Variants in SLC1A1 observed in about 807,000 individuals in gnomAD.
SLC1A1 encodes the protein solute carrier family 1 member 1.
A neutral mutation model predicts 53.3 loss-of-function variants in SLC1A1; 43 were observed. The ratio of observed to expected loss-of-function variants is 0.81; its 90% confidence interval spans 0.63 to 1.04. The LOEUF (loss-of-function observed/expected upper bound fraction) is 1.04, where lower values mean the gene tolerates loss of function less well. SLC1A1 is among the 50% of genes least tolerant of loss of function. The pLI is 0.00. For synonymous variants in SLC1A1, 307 were observed against 243.2 expected (o/e 1.26, Z -2.44); for missense variants, 748 against 664.9 (o/e 1.12, Z -1.37).
At chr9:4,503,287 A>G (rs2130802854) in intron 1 of SLC1A1, among the ~76,000 whole-genome samples, 1 of 152,004 alleles carries the variant, frequency 6.6e-6, no homozygotes, top group East Asian at 1.9e-4. Flanking sequence ...TTGGTGCCTA[A>G]GATGAAAAGT....
At chr9:4,527,820 T>C (rs946636825) in intron 1 of SLC1A1, among the ~76,000 whole-genome samples, 1 of 152,100 alleles carries the variant, frequency 6.6e-6, no homozygotes, top group Admixed American at 6.5e-5. Context: ...GTATCTGTCA[T>C]GGCAAAGTGG....
chr9:4,564,279 G>A (rs1222320380), intron 3 of SLC1A1, 65 bp from the exon 4 acceptor site: 1 of 1,059,266 alleles, frequency 9.4e-7, no homozygotes, highest in Non-Finnish European at 1.4e-6. Flanking sequence ...TGTTCTAAAG[G>A]TGCCAGCTGT....
At chr9:4,516,146 G>A (rs1005032869) in intron 1 of SLC1A1, among the ~76,000 whole-genome samples, 3 of 152,168 alleles carry the variant, frequency 2.0e-5, no homozygotes, top group African/African-American at 4.8e-5. Flanking sequence ...ATCTATGAAA[G>A]AGCCAGGTTC....
intron 2 of SLC1A1, among the ~76,000 whole-genome samples, chr9:4,559,406 A>G (rs1478070529): frequency 2.0e-5 from 3 of 152,194 alleles, no homozygotes; most frequent in Non-Finnish European, 2.9e-5. Context: ...CAAAGGAGCA[A>G]TCAACAGCCA....
chr9:4,580,574 T>C (rs1481969463), intron 10 of SLC1A1, among the ~76,000 whole-genome samples: 8 of 137,760 alleles, frequency 5.8e-5, no homozygotes, highest in Non-Finnish European at 1.1e-4. Flanking sequence ...GAGTGAGACC[T>C]TGTCTCTGGA....
chr9:4,571,498 A>G (rs1444661822), intron 6 of SLC1A1, among the ~76,000 whole-genome samples: 1 of 152,156 alleles, frequency 6.6e-6, no homozygotes, highest in Non-Finnish European at 1.5e-5. Context: ...CAACACGGCG[A>G]AACCCTGTCT....
chr9:4,560,148 A>G (rs1818796059), intron 2 of SLC1A1: 1 of 152,218 alleles, frequency 6.6e-6, no homozygotes, highest in African/African-American at 2.4e-5. Context: ...TCAAATAGAA[A>G]TTTTAAGATG....
intron 1 of SLC1A1, among the ~76,000 whole-genome samples, chr9:4,497,648 T>C (rs1820481217): frequency 6.6e-6 from 1 of 152,212 alleles, no homozygotes; most frequent in Admixed American, 6.5e-5. Flanking sequence ...GTCAGCAACA[T>C]AGATTAACAC....
chr9:4,585,119 T>C (rs990344702), intron 11 of SLC1A1, among the ~76,000 whole-genome samples, 193 bp from the exon 12 acceptor site: 1 of 152,222 alleles, frequency 6.6e-6, no homozygotes, highest in Non-Finnish European at 1.5e-5. Context: ...TCATTGCTAC[T>C]TTGGGGGAGC....
chr9:4,557,670 T>G (rs1818546523), intron 2 of SLC1A1, among the ~76,000 whole-genome samples: 1 of 152,090 alleles, frequency 6.6e-6, no homozygotes, highest in Non-Finnish European at 1.5e-5. Context: ...AAAACTCAGT[T>G]TGTCAGTCAC....
intron 1 of SLC1A1, among the ~76,000 whole-genome samples, chr9:4,536,857 G>A (rs1586724952): frequency 6.6e-6 from 1 of 152,070 alleles, no homozygotes; most frequent in South Asian, 2.1e-4. Context: ...GGAATACTAT[G>A]CAGCCATAAA....
intron 1 of SLC1A1, among the ~76,000 whole-genome samples, chr9:4,502,243 C>T: frequency 6.6e-6 from 1 of 150,880 alleles, no homozygotes; most frequent in East Asian, 1.9e-4. Context: ...AAAAATTAAC[C>T]AGGTGTGGTG....
chr9:4,583,717 G>C lies in SLC1A1; in HGVS notation c.1328+545G>C, dbSNP rs1821312912. ...AAAAATCTGCCTATGTCATTGGGTT[G>C]TTTTAAGGACTGAGTGAGCTCATGT... On this transcript the variant is annotated intron_variant, in intron 11 of 11. Coordinates refer to ENST00000262352, the MANE Select transcript of SLC1A1 (RefSeq NM_004170.6). This position sits in a 1 kb window ranked among gnomAD's most constrained non-coding sequence, Gnocchi z 4.6. Among the ~76,000 whole-genome samples, 1 of 152,152 alleles carries C rather than the reference G, an allele frequency of 6.6e-6. No homozygotes were observed. Among genetic ancestry groups the C allele is most frequent in the African/African-American group, 2.4e-5 (1 of 41,412 alleles).
intron 1 of SLC1A1, among the ~76,000 whole-genome samples, chr9:4,534,695 C>T (rs1816606959): frequency 8.8e-6 from 1 of 113,680 alleles, no homozygotes; most frequent in East Asian, 2.0e-4. Context: ...AGAGGGAATC[C>T]TCCCTAACTC....
intron 1 of SLC1A1, among the ~76,000 whole-genome samples, chr9:4,497,465 C>G (rs1820473545): frequency 6.6e-6 from 1 of 152,306 alleles, no homozygotes; most frequent in East Asian, 1.9e-4. Flanking sequence ...TAGTACCTAT[C>G]ACATTGCACA....
chr9:4,573,383 G>C (rs1176234553), intron 7 of SLC1A1, among the ~76,000 whole-genome samples: 2 of 152,178 alleles, frequency 1.3e-5, no homozygotes, highest in African/African-American at 4.8e-5. Context: ...CCAGGGATAG[G>C]AGAAGTACAT....
chr9:4,496,598 T>C (rs1295185729), intron 1 of SLC1A1, among the ~76,000 whole-genome samples: 2 of 151,820 alleles, frequency 1.3e-5, no homozygotes, highest in African/African-American at 4.8e-5. Flanking sequence ...AAGTGATCAT[T>C]AAAAATAAAA....
chr9:4,571,927 T>C (rs1820096770), intron 6 of SLC1A1, among the ~76,000 whole-genome samples: 3 of 152,162 alleles, frequency 2.0e-5, no homozygotes, highest in Non-Finnish European at 4.4e-5. Context: ...AATAAAAATA[T>C]AAACCATTCC....
chr9:4,528,852 C>T (rs1426971470), intron 1 of SLC1A1, among the ~76,000 whole-genome samples: 1 of 152,118 alleles, frequency 6.6e-6, no homozygotes, highest in African/African-American at 2.4e-5. Context: ...TTCTTGTGCT[C>T]TATACACACA....
Sources: allele counts gnomAD v4.1 joint callset (sites outside exome capture counted in the v4.1 genomes callset), GRCh38; gene constraint gnomAD v4.1.1; non-coding constraint Gnocchi (gnomAD v3.1); transcripts MANE v1.5; gene names NCBI Gene and HGNC (gene_info 2026-07-23, HGNC 2026-07-21).